NFAM1: variants seen among roughly 807,000 people sequenced by gnomAD.
The protein encoded by NFAM1 is NFAT activation molecule 1.
NFAM1 carries 17 observed loss-of-function variants against 29.0 expected under a neutral mutation model. That is an observed-to-expected ratio of 0.59 (90% CI 0.40 to 0.88). NFAM1 has a LOEUF of 0.88. Among genes scored for constraint, NFAM1 ranks in the 40% least tolerant of loss-of-function variants. NFAM1 has a pLI of 0.00. For missense variants in NFAM1, 324 were observed against 344.6 expected (o/e 0.94, Z 0.47); for synonymous variants, 175 against 147.2 (o/e 1.19, Z -1.36).
At chr22:42,392,140 A>T (rs537841012) in intron 4 of NFAM1, among the ~76,000 whole-genome samples, 2 of 152,176 alleles carry the variant, frequency 1.3e-5, no homozygotes, top group South Asian at 4.1e-4. Flanking sequence ...TGAAGAAGAA[A>T]AAGGGTCCCA....
chr22:42,436,470 C>T (rs1395010456), upstream of NFAM1, among the ~76,000 whole-genome samples: 9 of 152,176 alleles, frequency 5.9e-5, no homozygotes, highest in African/African-American at 1.9e-4. Context: ...CTAGGAGCAG[C>T]CGGGTTTACC....
upstream of NFAM1, among the ~76,000 whole-genome samples, chr22:42,434,847 A>T (rs1238346515): frequency 6.6e-6 from 1 of 152,188 alleles, no homozygotes; most frequent in Non-Finnish European, 1.5e-5. Flanking sequence ...CCTGGGGACC[A>T]CACGTCTCAG....
intron 1 of NFAM1, among the ~76,000 whole-genome samples, chr22:42,415,294 C>CTTTTTTTTTTTTTT (rs398037250): frequency 2.1e-5 from 2 of 94,832 alleles, no homozygotes; most frequent in Non-Finnish European, 4.0e-5. Flanking sequence ...TTCTTTCTTT[C>CTTTTTTTTTTTTTT]TTTTTTTTTT....
intron 4 of NFAM1, among the ~76,000 whole-genome samples, chr22:42,396,787 G>A (rs1041570320): frequency 1.3e-5 from 2 of 152,158 alleles, no homozygotes; most frequent in Admixed American, 1.3e-4. Flanking sequence ...GCTGCCACCC[G>A]CCCCATCCTC....
chr22:42,437,595 G>GC, the NFAM1 span, among the ~76,000 whole-genome samples: 1 of 152,150 alleles, frequency 6.6e-6, no homozygotes, highest in African/African-American at 2.4e-5. Flanking sequence ...CACTAACGGT[G>GC]CCACCCACTT....
chr22:42,437,002 A>G (rs1357834898), upstream of NFAM1: 2 of 984,114 alleles, frequency 2.0e-6, no homozygotes, highest in Non-Finnish European at 2.4e-6. Context: ...CTGGACACAT[A>G]CCATGGTCCC....
chr22:42,426,187 C>T (rs775295774), intron 1 of NFAM1, among the ~76,000 whole-genome samples: 3 of 152,112 alleles, frequency 2.0e-5, no homozygotes, highest in African/African-American at 4.8e-5. Context: ...GAAGGGGTGG[C>T]CGAGGGATGG....
At chr22:42,425,832 C>G (rs187318503) in intron 1 of NFAM1, among the ~76,000 whole-genome samples, 2 of 152,202 alleles carry the variant, frequency 1.3e-5, no homozygotes, top group African/African-American at 2.4e-5. Context: ...CACAGCCTCA[C>G]GTGCCTCAGG....
chr22:42,385,357 T>C, intron 5 of NFAM1, 137 bp from the exon 6 acceptor site: 1 of 691,458 alleles, frequency 1.4e-6, no homozygotes. Context: ...GCCTGCCCTC[T>C]GTCTCCAAGC....
In NFAM1 at chr22:42,390,013, T is replaced by C. The variant is rs1193612084; in HGVS notation, c.664-2935A>G. 2.0e-5 allele frequency among the ~76,000 whole-genome samples: 3 copies of C among 152,104 alleles called. No homozygotes were observed. The East Asian group carries it at 5.8e-4, about 29-fold the overall frequency. ...TGGAAATGGGGAGCCCCTGAAGGCTTTCCTCACCATGCATCAGAGTCGTGT... is the reference window on the plus strand; with the variant it reads ...TGGAAATGGGGAGCCCCTGAAGGCTCTCCTCACCATGCATCAGAGTCGTGT... On this transcript the variant is annotated intron_variant, in intron 4 of 5. Coordinates refer to ENST00000329021, the MANE Select transcript of NFAM1 (RefSeq NM_145912.8).
intron 5 of NFAM1, among the ~76,000 whole-genome samples, chr22:42,386,394 CAA>C (rs1555968131): frequency 0.14 from 20,319 of 141,298 alleles, 1,354 homozygotes; most frequent in African/African-American, 0.18. Context: ...CAAAAACAAA[CAA>C]ACACACACAC....
intron 1 of NFAM1, among the ~76,000 whole-genome samples, chr22:42,430,588 G>C (rs1389938902): frequency 2.0e-5 from 3 of 151,746 alleles, no homozygotes; most frequent in Admixed American, 6.6e-5. Context: ...AATCATGGGT[G>C]GGGGTTTGTC....
intron 1 of NFAM1, among the ~76,000 whole-genome samples, chr22:42,417,411 G>A (rs1403522938): frequency 6.6e-6 from 1 of 152,238 alleles, no homozygotes; most frequent in African/African-American, 2.4e-5. Flanking sequence ...GGTCCCATGG[G>A]ATCTGGGGCA....
chr22:42,391,743 G>A (rs1240361680), intron 4 of NFAM1, among the ~76,000 whole-genome samples: 2 of 151,750 alleles, frequency 1.3e-5, no homozygotes, highest in Non-Finnish European at 2.9e-5. Flanking sequence ...TCAGGAGTTC[G>A]AGACCAGCCT....
At chr22:42,420,448 G>A (rs1173155356) in intron 1 of NFAM1, among the ~76,000 whole-genome samples, 1 of 145,740 alleles carries the variant, frequency 6.9e-6, no homozygotes. Flanking sequence ...CTCCAGCCTG[G>A]GTGACAAAGA....
In NFAM1 at chr22:42,411,430, C is replaced by T; in HGVS notation, c.428G>A (p.Ser143Asn). 6.2e-7 allele frequency: 1 copy of T among 1,613,828 alleles called. No homozygotes were observed. Among genetic ancestry groups the T allele is most frequent in the Admixed American group, 1.7e-5 (1 of 59,974 alleles). Residue 143 changes from serine to asparagine, a missense_variant, in exon 2 of 6, where the codon AGC becomes AAC. Transcript: ENST00000329021. ...ACCTCTGACCAGGATGAAGGTGCCG[C>T]TGCCTCTCACCGTGGAGTGTGGCCA... is the stretch of plus-strand genomic sequence containing the variant. ...VHWPHSTVRG[S>N]GTFILVRDAG...
intron 3 of NFAM1, among the ~76,000 whole-genome samples, chr22:42,405,548 C>T (rs1033193320): frequency 2.0e-5 from 3 of 152,324 alleles, no homozygotes; most frequent in Non-Finnish European, 2.9e-5. Context: ...GAGTCGGGGG[C>T]GTGCAAGAAA....
chr22:42,422,205 C>T (rs1930467863), intron 1 of NFAM1, among the ~76,000 whole-genome samples: 1 of 152,146 alleles, frequency 6.6e-6, no homozygotes, highest in Admixed American at 6.5e-5. Flanking sequence ...TGTACGGTGG[C>T]CGCTCGGGGA....
chr22:42,417,249 A>G (rs868395702), intron 1 of NFAM1, among the ~76,000 whole-genome samples: 31 of 152,334 alleles, frequency 2.0e-4, no homozygotes, highest in Middle Eastern at 3.4e-3. Context: ...TAGAGATGTG[A>G]AGAACTGGGA....
Sources: allele counts gnomAD v4.1 joint callset (sites outside exome capture counted in the v4.1 genomes callset), GRCh38; gene constraint gnomAD v4.1.1; transcripts MANE v1.5; gene names NCBI Gene and HGNC (gene_info 2026-07-23, HGNC 2026-07-21).